The following MCTP2 variants were observed in gnomAD, a reference collection of about 807,000 sequenced individuals.
MCTP2 encodes the protein multiple C2 and transmembrane domain-containing protein 2.
In MCTP2, 132 loss-of-function variants were observed where a neutral mutation model predicts 111.6. That is an observed-to-expected ratio of 1.18 (90% CI 1.03 to 1.37). MCTP2 has a LOEUF of 1.37. Ranked by LOEUF, MCTP2 falls within the 40% of genes most tolerant of loss-of-function variation. The pLI is 0.00. For synonymous variants in MCTP2, 395 were observed against 387.7 expected, an observed-to-expected ratio of 1.02 and a Z score of -0.22; for missense variants, 1,183 against 1,067.9, an observed-to-expected ratio of 1.11 and a Z score of -1.50.
intron 4 of MCTP2, among the ~76,000 whole-genome samples, chr15:94,333,955 G>A (rs1436779441): frequency 6.6e-6 from 1 of 152,106 alleles, no homozygotes; most frequent in Non-Finnish European, 1.5e-5. Flanking sequence ...CCTAAGAGAC[G>A]ATGATATAAA....
chr15:94,464,252 A>AT (rs1555481399), intron 20 of MCTP2, among the ~76,000 whole-genome samples: 4 of 50,512 alleles, frequency 7.9e-5, no homozygotes, highest in African/African-American at 2.3e-4. Context: ...ATATATATAT[A>AT]TATATTATAT....
chr15:94,457,434 C>T (rs2084901706), intron 19 of MCTP2, among the ~76,000 whole-genome samples: 2 of 152,154 alleles, frequency 1.3e-5, no homozygotes, highest in African/African-American at 4.8e-5. Context: ...TCACATGAAG[C>T]ATTGGAAATT....
chr15:94,290,980 T>C (rs1026312934), intron 1 of MCTP2, among the ~76,000 whole-genome samples: 1 of 152,194 alleles, frequency 6.6e-6, no homozygotes, highest in Non-Finnish European at 1.5e-5. Flanking sequence ...GTCTCAGTAA[T>C]AGAAGATCAG....
chr15:94,434,566 A>AT (rs919986202), intron 17 of MCTP2, among the ~76,000 whole-genome samples: 5 of 151,848 alleles, frequency 3.3e-5, no homozygotes, highest in East Asian at 1.9e-4. Flanking sequence ...AGAGTAGGTG[A>AT]TTTTTTTTCC....
At chr15:94,401,531 T>C (rs546244695) in intron 16 of MCTP2, among the ~76,000 whole-genome samples, 1 of 152,326 alleles carries the variant, frequency 6.6e-6, no homozygotes, top group African/African-American at 2.4e-5. Flanking sequence ...TTTATCTCTC[T>C]CTCTCTGTCT....
Position 94,356,074 on chromosome 15 carries a change from T to C in MCTP2, c.1006-63T>C, listed in dbSNP as rs1020159132. 14 of 1,398,692 alleles carry C rather than the reference T, an allele frequency of 1.0e-5. No individual in the cohort carries two copies. In the African/African-American group the frequency reaches 1.9e-4, roughly 19 times the overall value. The allele number at this position is 1,398,692 out of a possible 1,614,324, so 86.6% of individuals were successfully genotyped here. On this transcript the variant is annotated intron_variant, in intron 8 of 22. Coordinates refer to ENST00000357742, the MANE Select transcript of MCTP2 (RefSeq NM_001385001.1). ...ATACTGAAAGTTGGAATTCCTATGA[T>C]CATCAAAGTCACTCTCAGGAATTAG...
Position 94,276,048 on chromosome 15 carries a change from G to C in MCTP2, c.-65-22153G>C, listed in dbSNP as rs538373199. ...TTTAGTAGAGATGGGATTTCACCGT[G>C]TTAGCCAGGATGGTCTTGATCTCCT... On this transcript the variant is annotated intron_variant, in intron 1 of 22. Transcript: ENST00000357742. 3.2e-4 allele frequency among the ~76,000 whole-genome samples: 48 copies of C among 152,076 alleles called. 1 individual carries two copies. The highest frequency in any genetic ancestry group is 6.2e-4 in the Non-Finnish European group (42 of 67,968).
In MCTP2 at chr15:94,476,798, G is replaced by A. The variant is rs2074403717; in HGVS notation, c.2568+5G>A. The A allele has an allele frequency of 6.6e-7, 1 of 1,508,384 alleles. No individual in the cohort carries two copies. Among genetic ancestry groups the A allele is most frequent in the Non-Finnish European group, 9.2e-7 (1 of 1,084,414 alleles). The allele number at this position is 1,508,384 out of a possible 1,614,324, so 93.4% of individuals were successfully genotyped here. A position where few individuals can be genotyped will look rare whatever the true frequency, so the allele number is the denominator to read the frequency against. On this transcript the variant is annotated splice_donor_5th_base_variant and intron_variant, in intron 22 of 22. Transcript: ENST00000357742. ...GTACCGTCTGATGTTCAAAAGGTATGTAATGAATGGTTACCACCAACAGTG... is the reference window on the plus strand; with the variant it reads ...GTACCGTCTGATGTTCAAAAGGTATATAATGAATGGTTACCACCAACAGTG...
intron 12 of MCTP2, among the ~76,000 whole-genome samples, chr15:94,373,992 C>G (rs1406635250): frequency 2.6e-5 from 4 of 152,160 alleles, no homozygotes; most frequent in African/African-American, 9.7e-5. Flanking sequence ...TACTGCTAGT[C>G]TTAAAATGCA....
At chr15:94,374,967 C>T (rs1218218861) in intron 12 of MCTP2, among the ~76,000 whole-genome samples, 1 of 152,144 alleles carries the variant, frequency 6.6e-6, no homozygotes, top group Non-Finnish European at 1.5e-5. Flanking sequence ...ATTGTTCAAT[C>T]CGTTTTCACA....
intron 14 of MCTP2, among the ~76,000 whole-genome samples, chr15:94,396,966 A>G (rs1396438382): frequency 6.6e-6 from 1 of 152,228 alleles, no homozygotes; most frequent in Non-Finnish European, 1.5e-5. Context: ...TTGTCTGTCA[A>G]GACTATTTTT....
intron 4 of MCTP2, among the ~76,000 whole-genome samples, chr15:94,332,357 A>G (rs1377253336): frequency 6.6e-6 from 1 of 152,240 alleles, no homozygotes; most frequent in Non-Finnish European, 1.5e-5. Context: ...CAACAAAAAG[A>G]GAAGATCCTA....
intron 4 of MCTP2, among the ~76,000 whole-genome samples, chr15:94,318,225 A>C (rs1381922164): frequency 1.3e-5 from 2 of 149,366 alleles, no homozygotes; most frequent in Non-Finnish European, 2.9e-5. Flanking sequence ...AAATGTTCTC[A>C]AGCTACATGT....
rs770096117 is a variant in MCTP2, at chr15:94,358,617, G to A, written c.1301+5G>A. The A allele has an allele frequency of 7.4e-6, 12 of 1,613,210 alleles. No homozygotes were observed. Among genetic ancestry groups the A allele is most frequent in the South Asian group, 6.6e-5 (6 of 91,058 alleles). On this transcript the variant is annotated splice_donor_5th_base_variant and intron_variant, in intron 10 of 22. Coordinates refer to ENST00000357742, the MANE Select transcript of MCTP2 (RefSeq NM_001385001.1). ...GCATGAGGAACGTCTGGGCACGTGA[G>A]TCCCCTCTGCTTTCCAGTGGCGGGA...
chr15:94,284,138 T>C (rs561917083), intron 1 of MCTP2, among the ~76,000 whole-genome samples: 33 of 152,314 alleles, frequency 2.2e-4, no homozygotes, highest in African/African-American at 7.7e-4. Flanking sequence ...ATAATTCTAC[T>C]CTGAGGTATG....
chr15:94,335,279 G>A (rs767328981), intron 4 of MCTP2, among the ~76,000 whole-genome samples: 77 of 152,264 alleles, frequency 5.1e-4, no homozygotes, highest in Admixed American at 1.2e-3. Flanking sequence ...AAAGGCTTAA[G>A]TGGTGTAAAA....
At chr15:94,460,193 C>T (rs939705246) in intron 20 of MCTP2, among the ~76,000 whole-genome samples, 1 of 152,024 alleles carries the variant, frequency 6.6e-6, no homozygotes, top group Non-Finnish European at 1.5e-5. Flanking sequence ...CTGATCAGCC[C>T]AGGAAGAGAT....
chr15:94,351,481 TCA>T (rs1435520241), intron 8 of MCTP2, among the ~76,000 whole-genome samples: 4 of 152,256 alleles, frequency 2.6e-5, no homozygotes, highest in African/African-American at 9.6e-5. Context: ...ACTTTACTAC[TCA>T]TTTTTCTTAC....
At chr15:94,320,632 C>G (rs1254246587) in intron 4 of MCTP2, among the ~76,000 whole-genome samples, 1 of 152,204 alleles carries the variant, frequency 6.6e-6, no homozygotes, top group Non-Finnish European at 1.5e-5. Flanking sequence ...CTCCCTTATT[C>G]AACAAGCATG....
Sources: allele counts gnomAD v4.1 joint callset (sites outside exome capture counted in the v4.1 genomes callset), GRCh38; gene constraint gnomAD v4.1.1; transcripts MANE v1.5; gene names NCBI Gene and HGNC (gene_info 2026-07-23, HGNC 2026-07-21).